Variants in ATP2C2 observed in about 807,000 individuals in gnomAD.
The protein encoded by ATP2C2 is ATPase secretory pathway Ca2+ transporting 2, also known as calcium-transporting ATPase type 2C member 2.
Under a neutral mutation model 110.8 loss-of-function variants are expected in ATP2C2, and 171 were observed. That is an observed-to-expected ratio of 1.54 (90% CI 1.36 to 1.75). The LOEUF is 1.75. Ranked by LOEUF, ATP2C2 falls within the 40% of genes most tolerant of loss-of-function variation. ATP2C2 has a pLI of 0.00. For synonymous variants in ATP2C2, 804 were observed against 508.4 expected (o/e 1.58, Z -7.82); for missense variants, 1,963 against 1,235.0 (o/e 1.59, Z -8.84).
intron 11 of ATP2C2, among the ~76,000 whole-genome samples, chr16:84,437,970 G>A (rs778961441): frequency 2.6e-5 from 4 of 152,154 alleles, no homozygotes; most frequent in Admixed American, 1.3e-4. Flanking sequence ...GAATGGACTC[G>A]TGCTCTGAGT....
chr16:84,448,768 T>C (rs528757710), intron 17 of ATP2C2, 79 bp downstream of exon 17: 3 of 1,523,614 alleles, frequency 2.0e-6, no homozygotes, highest in African/African-American at 1.4e-5. Context: ...GCAGGGTCCC[T>C]AGTCAAGGAG....
chr16:84,453,747 G>T (rs1260945783), intron 20 of ATP2C2, among the ~76,000 whole-genome samples: 1 of 152,188 alleles, frequency 6.6e-6, no homozygotes, highest in Non-Finnish European at 1.5e-5. Context: ...GAAGATGGGA[G>T]AACTGGGGGA....
intron 8 of ATP2C2, 22 bp from the exon 9 acceptor site, chr16:84,422,607 C>T (rs576182594): frequency 2.5e-6 from 4 of 1,611,286 alleles, no homozygotes; most frequent in South Asian, 2.2e-5. Flanking sequence ...AGATTTCATA[C>T]TTCTCTCTCT....
intron 1 of ATP2C2, among the ~76,000 whole-genome samples, chr16:84,388,219 G>A (rs947479123): frequency 2.0e-5 from 3 of 152,134 alleles, no homozygotes; most frequent in Admixed American, 2.0e-4. Flanking sequence ...TAGCTACTCG[G>A]GAGACTGAGG....
chr16:84,405,098 A>T (rs1011620279), intron 2 of ATP2C2, 30 bp from the exon 3 acceptor site: 2 of 1,583,352 alleles, frequency 1.3e-6, no homozygotes, highest in Non-Finnish European at 8.7e-7. Context: ...TGCGCCCATG[A>T]GTGAGCTTGT....
intron 2 of ATP2C2, among the ~76,000 whole-genome samples, chr16:84,401,306 C>G (rs1182625589): frequency 6.8e-6 from 1 of 147,226 alleles, no homozygotes; most frequent in African/African-American, 2.5e-5. Context: ...TCACTGCAAC[C>G]TCTGCCTCCT....
intron 7 of ATP2C2, among the ~76,000 whole-genome samples, chr16:84,421,789 C>G (rs1198612339): frequency 6.6e-6 from 1 of 152,180 alleles, no homozygotes; most frequent in African/African-American, 2.4e-5. Flanking sequence ...TCCCCATATG[C>G]AAAATGGGGA....
At chr16:84,459,863 CTA>C (rs1487278116) in intron 23 of ATP2C2, 2 of 381,428 alleles carry the variant, frequency 5.2e-6, no homozygotes, top group East Asian at 1.1e-4. Flanking sequence ...TCCCTGATGT[CTA>C]GAGATAAAGG....
At chr16:84,459,089 T>C in intron 21 of ATP2C2, 31 bp from the exon 22 acceptor site, 1 of 1,613,364 alleles carries the variant, frequency 6.2e-7, no homozygotes, top group Non-Finnish European at 8.5e-7. Flanking sequence ...GCAGGCCCGC[T>C]CCGTGAGTAA....
At chr16:84,454,313 T>A (rs2150586922) in intron 20 of ATP2C2, among the ~76,000 whole-genome samples, 1 of 152,216 alleles carries the variant, frequency 6.6e-6, no homozygotes, top group East Asian at 1.9e-4. Flanking sequence ...CAAAAAAAGG[T>A]AGAAAATGTG....
At chr16:84,405,889 C>G (rs564472271) in intron 3 of ATP2C2, among the ~76,000 whole-genome samples, 14 of 152,324 alleles carry the variant, frequency 9.2e-5, no homozygotes, top group Admixed American at 7.2e-4. Context: ...CACTGTGCTC[C>G]AGCCTGGACA....
chr16:84,459,231 C>G (rs200321977), intron 22 of ATP2C2, 39 bp from the exon 23 acceptor site: 2 of 1,614,138 alleles, frequency 1.2e-6, no homozygotes, highest in African/African-American at 1.3e-5. Context: ...AGCACCACGC[C>G]TGGCGGGCGG....
rs767328926 is a variant in ATP2C2, at chr16:84,453,313, G to A, written c.1930-8G>A. On this transcript the variant is annotated splice_region_variant and splice_polypyrimidine_tract_variant and intron_variant, in intron 19 of 26. Transcript: ENST00000262429. ...CTGATTCTTCGTCTTCCCCGTCTCC[G>A]TGTCCAGGTGTCCGTGTTCTTCAGG... 5.0e-5 allele frequency: 81 copies of A among 1,614,040 alleles called. No homozygotes were observed. Among genetic ancestry groups the A allele is most frequent in the South Asian group, 1.3e-4 (12 of 91,074 alleles).
At chr16:84,372,002 T>C (rs958865695) in intron 1 of ATP2C2, among the ~76,000 whole-genome samples, 1 of 152,108 alleles carries the variant, frequency 6.6e-6, no homozygotes, top group Non-Finnish European at 1.5e-5. Flanking sequence ...ACGTGATGTT[T>C]AAGATGAATA....
rs139924910 is a variant in ATP2C2, at chr16:84,394,672, C to T, written c.100-3827C>T. On this transcript the variant is annotated intron_variant, in intron 1 of 26. Coordinates refer to ENST00000262429, the MANE Select transcript of ATP2C2 (RefSeq NM_014861.4). ...CCAGGGGAGGATCTGTTCCACGCTTCTCTTCAAGCTTCCATCATGGCCAGC... is the reference window on the plus strand; with the variant it reads ...CCAGGGGAGGATCTGTTCCACGCTTTTCTTCAAGCTTCCATCATGGCCAGC... 4.2e-3 allele frequency among the ~76,000 whole-genome samples: 640 copies of T among 152,258 alleles called. 4 individuals are homozygous for T. Among genetic ancestry groups the T allele is most frequent in the South Asian group, 0.013 (65 of 4,822 alleles).
Position 84,460,725 on chromosome 16 carries a change from G to A in ATP2C2, c.2405G>A (p.Ser802Asn), listed in dbSNP as rs781272063. 1 of 1,614,202 alleles carries A rather than the reference G, an allele frequency of 6.2e-7. No homozygotes were observed. Among genetic ancestry groups the A allele is most frequent in the East Asian group, 2.2e-5 (1 of 44,876 alleles). ...PPRSVRDTIL[S>N]RALILKILMS... is the part of the protein sequence containing the mutation. ...CGGAGTGTGCGGGACACCATCCTCA[G>A]CAGAGCCCTCATCCTGAAGATCCTC... is the stretch of plus-strand genomic sequence containing the variant. Residue 802 changes from serine (S) to asparagine (N), a missense_variant, in exon 24 of 27, where the codon AGC (serine) becomes AAC (asparagine). By Grantham distance (46) the Ser-to-Asn change is conservative. Coordinates refer to ENST00000262429, the MANE Select transcript of ATP2C2 (RefSeq NM_014861.4).
At chr16:84,425,880 G>A (rs1255530855) in intron 11 of ATP2C2, 79 bp downstream of exon 11, 9 of 1,531,770 alleles carry the variant, frequency 5.9e-6, no homozygotes, top group East Asian at 4.5e-5. Context: ...AAGAGAAGGT[G>A]GGGAGGCTGC....
chr16:84,422,298 G>C, intron 7 of ATP2C2, 92 bp from the exon 8 acceptor site: 3 of 1,432,792 alleles, frequency 2.1e-6, no homozygotes, highest in Non-Finnish European at 2.9e-6. Context: ...TTGAGTTCAT[G>C]TCCATGAAGG....
intron 11 of ATP2C2, among the ~76,000 whole-genome samples, chr16:84,427,833 T>G (rs1009630532): frequency 2.6e-5 from 4 of 152,072 alleles, no homozygotes; most frequent in African/African-American, 9.7e-5. Flanking sequence ...GGGGTTTCCT[T>G]CGGGGGTGAA....
Sources: allele counts gnomAD v4.1 joint callset (sites outside exome capture counted in the v4.1 genomes callset), GRCh38; gene constraint gnomAD v4.1.1; transcripts MANE v1.5; gene names NCBI Gene and HGNC (gene_info 2026-07-23, HGNC 2026-07-21).